RANBP2: variants seen among roughly 807,000 people sequenced by gnomAD.
RANBP2 encodes the protein RAN binding protein 2, also known as E3 SUMO-protein ligase RanBP2.
RANBP2 carries 57 observed loss-of-function variants against 303.6 expected under a neutral mutation model. That is an observed-to-expected ratio of 0.19 (90% CI 0.15 to 0.23). The LOEUF is 0.23. Among genes scored for constraint, RANBP2 ranks in the 10% least tolerant of loss-of-function variants. The pLI, the probability that RANBP2 is intolerant of heterozygous loss-of-function variation, is 1.00. For missense variants in RANBP2, 3,138 were observed against 3,780.8 expected, an observed-to-expected ratio of 0.83 and a Z score of 4.46; for synonymous variants, 1,167 against 1,301.5, an observed-to-expected ratio of 0.90 and a Z score of 2.23.
chr2:109,491,829 C>G, the RANBP2 span, among the ~76,000 whole-genome samples: 4 of 152,196 alleles, frequency 2.6e-5, no homozygotes, highest in African/African-American at 9.7e-5. Context: ...GTGTTTCTGC[C>G]AGAACCTTTC....
chr2:108,986,844 G>A, the RANBP2 span, among the ~76,000 whole-genome samples: 29 of 152,320 alleles, frequency 1.9e-4, no homozygotes, highest in Admixed American at 7.2e-4. Flanking sequence ...GCATTGAGAT[G>A]GAGGCGGCAT....
chr2:109,046,481 A>G, the RANBP2 span, among the ~76,000 whole-genome samples: 1 of 143,126 alleles, frequency 7.0e-6, no homozygotes, highest in Non-Finnish European at 1.5e-5. Flanking sequence ...GTCTCGGCTC[A>G]CTGCAACCTC....
chr2:109,560,678 C>T, the RANBP2 span, among the ~76,000 whole-genome samples: 1 of 152,204 alleles, frequency 6.6e-6, no homozygotes, highest in Non-Finnish European at 1.5e-5. Context: ...AGGTCCCAAA[C>T]TGTGACCTCC....
At chr2:109,436,875 TCTG>T in the RANBP2 span, 269 of 1,610,140 alleles carry the variant, frequency 1.7e-4, 2 homozygotes, top group East Asian at 3.4e-3. Context: ...CAGAATTCCT[TCTG>T]CTTTCTCTCC....
chr2:108,777,176 C>G lies in RANBP2; in HGVS notation c.8544C>G (p.Leu2848=). ...TTGGATTTGGAAGTAGCACAGGGCTCTCATTTGCAGACTTGGCTTCCAGTA... is the reference window on the plus strand; with the variant it reads ...TTGGATTTGGAAGTAGCACAGGGCTGTCATTTGCAGACTTGGCTTCCAGTA... ...VSFGFGSSTG[L]SFADLASSNS... is the part of the protein sequence containing the mutation. The change falls in exon 25 of 29, where the codon CTC becomes CTG. Residue 2848 remains leucine (L), a synonymous_variant. Coordinates refer to ENST00000283195, the MANE Select transcript of RANBP2 (RefSeq NM_006267.5). 2 of 1,613,558 alleles carry G rather than the reference C, an allele frequency of 1.2e-6. No individual in the cohort carries two copies. The highest frequency in any genetic ancestry group is 1.7e-6 in the Non-Finnish European group (2 of 1,179,606).
At chr2:109,499,771 A>T in the RANBP2 span, among the ~76,000 whole-genome samples, 2 of 151,788 alleles carry the variant, frequency 1.3e-5, no homozygotes, top group African/African-American at 4.8e-5. Context: ...GTGTGTGTGT[A>T]TGTGTGTGTG....
At chr2:109,459,869 A>G in the RANBP2 span, among the ~76,000 whole-genome samples, 4 of 152,110 alleles carry the variant, frequency 2.6e-5, 1 homozygote, top group Admixed American at 1.3e-4. Flanking sequence ...TGCTTCTCCC[A>G]TTTCTGCCCC....
the RANBP2 span, among the ~76,000 whole-genome samples, chr2:109,669,256 C>A: frequency 6.6e-6 from 1 of 152,298 alleles, no homozygotes; most frequent in East Asian, 1.9e-4. Flanking sequence ...CACTCCAAGA[C>A]ACTGGTCTAG....
the RANBP2 span, among the ~76,000 whole-genome samples, chr2:109,345,964 C>G: frequency 6.6e-6 from 1 of 152,196 alleles, no homozygotes; most frequent in African/African-American, 2.4e-5. Flanking sequence ...CCAAATTGTC[C>G]CAAATTAAGA....
At chr2:109,168,674 G>GT in the RANBP2 span, among the ~76,000 whole-genome samples, 125,162 of 152,174 alleles carry the variant, frequency 0.82, 51,598 homozygotes, top group East Asian at 0.89. Flanking sequence ...AAACCTTTCA[G>GT]TCAGGAGTTC....
the RANBP2 span, among the ~76,000 whole-genome samples, chr2:109,556,578 A>G: frequency 6.6e-6 from 1 of 152,174 alleles, no homozygotes; most frequent in Admixed American, 6.5e-5. Flanking sequence ...ACAAATGTGC[A>G]AAATACCCTA....
At chr2:108,719,929 C>T (rs1573665129) in intron 1 of RANBP2, among the ~76,000 whole-genome samples, 10 of 152,024 alleles carry the variant, frequency 6.6e-5, no homozygotes, top group Admixed American at 5.9e-4. Flanking sequence ...CGCTTGTTCC[C>T]GACGGTGCTC....
the RANBP2 span, among the ~76,000 whole-genome samples, chr2:109,184,760 T>C: frequency 1.3e-5 from 2 of 152,262 alleles, no homozygotes; most frequent in African/African-American, 4.8e-5. Flanking sequence ...AACTTTCTGG[T>C]TGGGTTTGCA....
the RANBP2 span, among the ~76,000 whole-genome samples, chr2:109,623,584 C>T: frequency 6.6e-6 from 1 of 152,200 alleles, no homozygotes; most frequent in Non-Finnish European, 1.5e-5. Context: ...GCAGGCGACT[C>T]CAGTTTCTGT....
the RANBP2 span, among the ~76,000 whole-genome samples, chr2:109,581,528 GAA>G: frequency 1.4e-5 from 2 of 145,652 alleles, no homozygotes; most frequent in African/African-American, 2.5e-5. Flanking sequence ...AAAGGTCTGG[GAA>G]AAAAAAAAAA....
At chr2:109,265,005 A>C in the RANBP2 span, among the ~76,000 whole-genome samples, 1 of 152,202 alleles carries the variant, frequency 6.6e-6, no homozygotes, top group Admixed American at 6.5e-5. Flanking sequence ...TCTGTCTTAG[A>C]GGCATCATCA....
the RANBP2 span, among the ~76,000 whole-genome samples, chr2:108,997,180 G>A: frequency 7.9e-5 from 12 of 152,282 alleles, no homozygotes; most frequent in South Asian, 6.2e-4. Flanking sequence ...AGTGGCTCAC[G>A]CCTGTAATCC....
At chr2:108,736,906 T>G (rs552305807) in intron 6 of RANBP2, among the ~76,000 whole-genome samples, 1 of 152,032 alleles carries the variant, frequency 6.6e-6, no homozygotes, top group African/African-American at 2.4e-5. Flanking sequence ...TGCCTCTGTT[T>G]ATGTATTGTC....
the RANBP2 span, among the ~76,000 whole-genome samples, chr2:109,534,578 G>A: frequency 2.6e-5 from 4 of 152,202 alleles, no homozygotes; most frequent in African/African-American, 7.2e-5. Flanking sequence ...TTAGGAGTTC[G>A]AGACCAGCCT....
Sources: gnomAD v4.1 joint callset for allele counts (sites outside exome capture counted in the v4.1 genomes callset) on GRCh38, gnomAD v4.1.1 for gene constraint, MANE v1.5 for transcripts, NCBI Gene and HGNC (gene_info 2026-07-23, HGNC 2026-07-21) for gene names.